Variants in KCNJ16 observed in about 807,000 individuals in gnomAD.
KCNJ16 encodes inward rectifier potassium channel 16.
KCNJ16 carries 15 observed loss-of-function variants against 18.5 expected under a neutral mutation model. The ratio of observed to expected loss-of-function variants is 0.81; its 90% CI spans 0.54 to 1.25. The LOEUF is 1.25. Ranked by LOEUF, KCNJ16 falls within the 50% of genes most tolerant of loss-of-function variation. The pLI, the probability that KCNJ16 is intolerant of heterozygous loss-of-function variation, is 0.00. For missense variants in KCNJ16, 523 were observed against 525.7 expected, an observed-to-expected ratio of 0.99 and a Z score of 0.05; for synonymous variants, 174 against 186.5, an observed-to-expected ratio of 0.93 and a Z score of 0.55.
intron 2 of KCNJ16, among the ~76,000 whole-genome samples, chr17:70,116,840 T>C (rs1158661117): frequency 6.6e-6 from 1 of 152,200 alleles, no homozygotes; most frequent in Non-Finnish European, 1.5e-5. Flanking sequence ...AGGGAGTGCT[T>C]ATACAGTGTT....
At chr17:70,120,979 G>A (rs551143852) in intron 2 of KCNJ16, among the ~76,000 whole-genome samples, 2 of 152,266 alleles carry the variant, frequency 1.3e-5, no homozygotes, top group Non-Finnish European at 2.9e-5. Flanking sequence ...GAAGAGAGTG[G>A]GGATGCAGAC....
At chr17:70,124,717 C>T (rs1331891978) in intron 2 of KCNJ16, among the ~76,000 whole-genome samples, 2 of 152,212 alleles carry the variant, frequency 1.3e-5, no homozygotes, top group Non-Finnish European at 2.9e-5. Context: ...CTTAGTAAAA[C>T]ATGTACACAC....
intron 2 of KCNJ16, among the ~76,000 whole-genome samples, chr17:70,111,521 G>A (rs1003699331): frequency 6.6e-6 from 1 of 152,054 alleles, no homozygotes; most frequent in Non-Finnish European, 1.5e-5. Context: ...GGATAGCTGA[G>A]ATTTTGATTA....
chr17:70,089,116 G>A (rs1050201229), intron 1 of KCNJ16, among the ~76,000 whole-genome samples: 4 of 152,124 alleles, frequency 2.6e-5, no homozygotes, highest in Non-Finnish European at 5.9e-5. Flanking sequence ...AATACAAACA[G>A]GCAAATCAAG....
intron 2 of KCNJ16, among the ~76,000 whole-genome samples, chr17:70,107,239 A>G (rs2072972991): frequency 6.6e-6 from 1 of 152,230 alleles, no homozygotes; most frequent in Admixed American, 6.5e-5. Context: ...TGACTCAAAA[A>G]TCAAATCTAA....
intron 2 of KCNJ16, 183 bp downstream of exon 2, chr17:70,100,949 G>A (rs1045578117): frequency 3.9e-5 from 6 of 152,120 alleles, no homozygotes; most frequent in African/African-American, 1.2e-4. Context: ...GCTTCCTTTT[G>A]TTCACATTTT....
At chr17:70,099,729 G>A (rs1427356417) in intron 1 of KCNJ16, among the ~76,000 whole-genome samples, 1 of 151,974 alleles carries the variant, frequency 6.6e-6, no homozygotes, top group Middle Eastern at 3.2e-3. Flanking sequence ...GTGTTTGGGA[G>A]TAGATACAAG....
chr17:70,075,970 T>C (rs964976694), intron 1 of KCNJ16, among the ~76,000 whole-genome samples: 30 of 2,070 alleles, frequency 0.014, no homozygotes, highest in Non-Finnish European at 0.031. Flanking sequence ...TCTAAAGCTT[T>C]TTTTTTTTTC....
intron 2 of KCNJ16, 147 bp from the exon 3 acceptor site, chr17:70,130,732 T>C (rs946368530): frequency 5.3e-6 from 3 of 569,578 alleles, no homozygotes; most frequent in African/African-American, 3.7e-5. Context: ...ATTTTCTATG[T>C]AATAGAGAGG....
At chr17:70,108,798 T>G (rs78253155) in intron 2 of KCNJ16, among the ~76,000 whole-genome samples, 4,399 of 152,212 alleles carry the variant, frequency 0.029, 74 homozygotes, top group Non-Finnish European at 0.037. Context: ...CCTTCCTCCC[T>G]CCCTTTCTCC....
chr17:70,091,893 A>G (rs2072106301), intron 1 of KCNJ16, among the ~76,000 whole-genome samples: 2 of 152,150 alleles, frequency 1.3e-5, no homozygotes, highest in South Asian at 4.1e-4. Context: ...AAATGTTAAC[A>G]TTCCATGTCC....
At chr17:70,120,638 G>C (rs1028726390) in intron 2 of KCNJ16, among the ~76,000 whole-genome samples, 5 of 152,140 alleles carry the variant, frequency 3.3e-5, no homozygotes, top group Non-Finnish European at 7.3e-5. Flanking sequence ...AAAAGAGAGA[G>C]AGAAGTGTCT....
intron 1 of KCNJ16, among the ~76,000 whole-genome samples, chr17:70,087,193 C>T (rs1409284947): frequency 6.6e-6 from 1 of 151,596 alleles, no homozygotes; most frequent in Non-Finnish European, 1.5e-5. Flanking sequence ...TAGACATTAT[C>T]TTTAAAACAA....
rs1445249120 is a variant in KCNJ16 at position 70,133,380 on chromosome 17, A to G, written c.*36A>G. 1 of 1,552,520 alleles carries G rather than the reference A, an allele frequency of 6.4e-7. No individual in the cohort carries two copies. ...CAATTATGAGGGCTACCACTGAATC[A>G]TTTTATCTTTCAGCCAATCAAGTCG... is the stretch of plus-strand genomic sequence containing the variant. On this transcript the variant is annotated 3_prime_UTR_variant, in exon 4 of 4. Transcript: ENST00000392671.
At chr17:70,083,430 G>A (rs1440809816) in intron 1 of KCNJ16, among the ~76,000 whole-genome samples, 1 of 151,632 alleles carries the variant, frequency 6.6e-6, no homozygotes, top group Non-Finnish European at 1.5e-5. Context: ...TTTGTTCAAC[G>A]ATGGGGTGCA....
chr17:70,132,079 C>T lies in KCNJ16; in HGVS notation c.-9C>T. On this transcript the variant is annotated 5_prime_UTR_variant, in exon 4 of 4. The change creates a premature stop within an existing upstream ORF in the 5' untranslated region. Transcript: ENST00000392671. ...AAACTCACCTGGATCCCTAAGGGCACAGCAAAGAATGAGCTATTACGGCAG... is the reference window on the plus strand; with the variant it reads ...AAACTCACCTGGATCCCTAAGGGCATAGCAAAGAATGAGCTATTACGGCAG... 1 of 1,614,078 alleles carries T rather than the reference C, an allele frequency of 6.2e-7. No homozygotes were observed. Among genetic ancestry groups the T allele is most frequent in the South Asian group, 1.1e-5 (1 of 91,080 alleles).
chr17:70,097,639 C>G (rs944982494), intron 1 of KCNJ16, among the ~76,000 whole-genome samples: 8 of 152,044 alleles, frequency 5.3e-5, no homozygotes, highest in Admixed American at 4.6e-4. Flanking sequence ...ATTTTCTGTT[C>G]TCTTCAAATC....
rs140423462 is a variant in KCNJ16 at position 70,133,705 on chromosome 17, A to G, written c.*361A>G. ...AATAAAAATAGACAAGTAAGACAGC[A>G]TAAATAATACATTTTTAAACATGTC... is the stretch of plus-strand genomic sequence containing the variant. On this transcript the variant is annotated 3_prime_UTR_variant, in exon 4 of 4. Transcript: ENST00000392671. 200 of 189,628 alleles carry G rather than the reference A, an allele frequency of 1.1e-3. 2 individuals carry two copies. The East Asian group carries it at 0.021, about 20-fold the overall frequency. 11.7% of individuals were successfully genotyped at this position (189,628 alleles called of 1,614,324 possible).
intron 2 of KCNJ16, among the ~76,000 whole-genome samples, chr17:70,119,181 T>C (rs1469708196): frequency 6.6e-6 from 1 of 152,210 alleles, no homozygotes; most frequent in Non-Finnish European, 1.5e-5. Context: ...AGGGGTTAGG[T>C]TCACAAGGCC....
Sources: allele counts gnomAD v4.1 joint callset (sites outside exome capture counted in the v4.1 genomes callset), GRCh38; gene constraint gnomAD v4.1.1; transcripts MANE v1.5; gene names NCBI Gene and HGNC (gene_info 2026-07-23, HGNC 2026-07-21).